The following ACYP2 variants were observed in gnomAD, a reference collection of about 807,000 sequenced individuals.
ACYP2 encodes the protein acylphosphatase-2.
ACYP2 carries 12 observed loss-of-function variants against 11.2 expected under a neutral mutation model. That is an observed-to-expected ratio of 1.08 (90% CI 0.69 to 1.74). ACYP2 has a LOEUF of 1.74. Ranked by LOEUF, ACYP2 falls within the 40% of genes most tolerant of loss-of-function variation. ACYP2 has a pLI of 0.00. For missense variants in ACYP2, 134 were observed against 101.9 expected (o/e 1.31, Z -1.35); for synonymous variants, 43 against 32.2 (o/e 1.33, Z -1.13).
rs565965626 is a variant in ACYP2 at position 54,188,780 on chromosome 2, T to C, written c.404+50032T>C. ...ACCCCAGACCTCCCAAATCAGTGTC[T>C]TCATTTTAACAAGATCCCCAGGATT... On this transcript the variant is annotated intron_variant, in intron 6 of 6. Coordinates refer to ENST00000607452, the MANE Select transcript of ACYP2 (RefSeq NM_001320586.2). Among the ~76,000 whole-genome samples the C allele has an allele frequency of 1.7e-3, 265 of 152,276 alleles. 2 individuals are homozygous for C. Among genetic ancestry groups the C allele is most frequent in the African/African-American group, 6.0e-3 (250 of 41,562 alleles).
rs550445458 is a variant in ACYP2 at position 53,972,202 on chromosome 2, C to G, written c.-37+881C>G. ...GCGGACGCCTGTAATCCCAGCTACT[C>G]GGGAGGCTGAGGCAGGAGAATCGCT... On this transcript the variant is annotated intron_variant, in intron 1 of 6. Coordinates refer to ENST00000607452, the MANE Select transcript of ACYP2 (RefSeq NM_001320586.2). Among the ~76,000 whole-genome samples, 1,136 of 149,990 alleles carry G rather than the reference C, an allele frequency of 7.6e-3. 35 individuals carry two copies. Among genetic ancestry groups the G allele is most frequent in the African/African-American group, 0.027 (1,082 of 40,390 alleles).
intron 6 of ACYP2, among the ~76,000 whole-genome samples, chr2:54,239,532 C>T (rs113627954): frequency 1.6e-4 from 25 of 152,312 alleles, no homozygotes; most frequent in African/African-American, 5.8e-4. Flanking sequence ...CATCCCACTT[C>T]TCCTCCCATT....
chr2:54,267,422 G>C, intron 6 of ACYP2: 1 of 1,438,614 alleles, frequency 7.0e-7, no homozygotes. Flanking sequence ...GTAAGGGGTG[G>C]GAACAGAAGG....
chr2:54,111,190 G>C (rs1679442273), intron 4 of ACYP2, among the ~76,000 whole-genome samples: 2 of 152,210 alleles, frequency 1.3e-5, no homozygotes, highest in Admixed American at 1.3e-4. Flanking sequence ...AGCCTAACAA[G>C]GGAGCAGCAG....
chr2:54,224,409 A>G (rs1572958686), intron 6 of ACYP2, among the ~76,000 whole-genome samples: 1 of 152,348 alleles, frequency 6.6e-6, no homozygotes, highest in East Asian at 1.9e-4. Flanking sequence ...CAAAGGTGGG[A>G]ATGTCCCCTG....
At chr2:53,984,613 A>G (rs1192049604) in intron 2 of ACYP2, among the ~76,000 whole-genome samples, 2 of 150,576 alleles carry the variant, frequency 1.3e-5, no homozygotes, top group Admixed American at 1.3e-4. Flanking sequence ...AAGTGTGTGT[A>G]TGCATATATT....
chr2:54,295,621 G>C (rs908476734), intron 6 of ACYP2, among the ~76,000 whole-genome samples: 1 of 151,988 alleles, frequency 6.6e-6, no homozygotes, highest in Admixed American at 6.6e-5. Flanking sequence ...TCGGGGTCGG[G>C]GGGTATTTCT....
chr2:54,101,868 T>C (rs1330660752), intron 4 of ACYP2, among the ~76,000 whole-genome samples: 1 of 152,188 alleles, frequency 6.6e-6, no homozygotes, highest in African/African-American at 2.4e-5. Context: ...TTTCACTTCT[T>C]ATTAACATTT....
In ACYP2 at chr2:54,034,535, G is replaced by A. The variant is rs184735180; in HGVS notation, c.63-16423G>A. On this transcript the variant is annotated intron_variant, in intron 2 of 6. Transcript: ENST00000607452. The stretch of plus-strand genomic sequence containing the variant: ...ATAGTCTATCCCCTATCACCTGGAT[G>A]TGTAGTAGGCTATACCATCTAGGTT... Among the ~76,000 whole-genome samples, 23 of 152,312 alleles carry A rather than the reference G, an allele frequency of 1.5e-4. No individual in the cohort carries two copies. The East Asian group carries it at 2.5e-3, about 17-fold the overall frequency.
intron 2 of ACYP2, among the ~76,000 whole-genome samples, chr2:54,038,501 C>A (rs1224098926): frequency 1.3e-5 from 2 of 151,604 alleles, no homozygotes; most frequent in African/African-American, 2.4e-5. Context: ...AGTTATTGAT[C>A]ATTTAATCCT....
chr2:54,208,005 A>C (rs1031520619), intron 6 of ACYP2, among the ~76,000 whole-genome samples: 2 of 152,152 alleles, frequency 1.3e-5, no homozygotes, highest in South Asian at 4.2e-4. Context: ...AGAGTGTTCC[A>C]GGACCTCCCA....
chr2:54,115,630 C>G, intron 4 of ACYP2: 1 of 1,572,056 alleles, frequency 6.4e-7, no homozygotes. Context: ...TCCCCTCCCT[C>G]TCGCAGCCGC....
intron 6 of ACYP2, among the ~76,000 whole-genome samples, chr2:54,231,463 T>C (rs1686235101): frequency 6.6e-6 from 1 of 152,204 alleles, no homozygotes; most frequent in African/African-American, 2.4e-5. Context: ...CTGAGTCTCA[T>C]CTCACATCAG....
chr2:54,029,760 G>T (rs1215054882), intron 2 of ACYP2: 4 of 597,148 alleles, frequency 6.7e-6, no homozygotes, highest in Admixed American at 5.7e-5. Flanking sequence ...AGCATGCTGG[G>T]GAACATTGTA....
At chr2:54,087,836 G>A (rs762716329) in intron 4 of ACYP2, among the ~76,000 whole-genome samples, 1 of 152,188 alleles carries the variant, frequency 6.6e-6, no homozygotes, top group Non-Finnish European at 1.5e-5. Context: ...ATAGATGTAA[G>A]ATGCTAGAGA....
chr2:54,146,037 A>G (rs1681865430), intron 6 of ACYP2, among the ~76,000 whole-genome samples: 1 of 152,222 alleles, frequency 6.6e-6, no homozygotes, highest in South Asian at 2.1e-4. Context: ...ATAATTCTCT[A>G]TAAGCTTCCG....
intron 6 of ACYP2, among the ~76,000 whole-genome samples, chr2:54,241,828 CGTG>C (rs1277405424): frequency 1.2e-4 from 18 of 152,118 alleles, no homozygotes; most frequent in African/African-American, 4.1e-4. Context: ...GCCTGGCCAA[CGTG>C]GTGAAACCCT....
At chr2:54,018,906 C>G (rs1673839383) in intron 2 of ACYP2, among the ~76,000 whole-genome samples, 1 of 151,946 alleles carries the variant, frequency 6.6e-6, no homozygotes, top group Non-Finnish European at 1.5e-5. Context: ...CACCACCACA[C>G]CTGGCTAATT....
chr2:54,220,953 T>A (rs1417650938), intron 6 of ACYP2, among the ~76,000 whole-genome samples: 1 of 152,248 alleles, frequency 6.6e-6, no homozygotes, highest in Non-Finnish European at 1.5e-5. Context: ...TGATTACTGT[T>A]CAGCCCTATC....
Sources: gnomAD v4.1 joint callset for allele counts (sites outside exome capture counted in the v4.1 genomes callset) on GRCh38, gnomAD v4.1.1 for gene constraint, MANE v1.5 for transcripts, NCBI Gene and HGNC (gene_info 2026-07-23, HGNC 2026-07-21) for gene names.